Variants in DTWD2 observed in about 807,000 individuals in gnomAD.
DTWD2 encodes tRNA-uridine aminocarboxypropyltransferase 2.
DTWD2 carries 39 observed loss-of-function variants against 31.8 expected under a neutral mutation model. The observed-to-expected ratio is 1.22, with a 90% CI of 0.95 to 1.60. DTWD2 has a LOEUF of 1.60. Among genes scored for constraint, DTWD2 ranks in the 40% most tolerant of loss-of-function variants. The pLI is 0.00. For synonymous variants in DTWD2, 180 were observed against 142.8 expected (o/e 1.26, Z -1.86); for missense variants, 515 against 381.5 (o/e 1.35, Z -2.92).
At chr5:118,983,528 T>C (rs960039163) in intron 1 of DTWD2, among the ~76,000 whole-genome samples, 1 of 151,502 alleles carries the variant, frequency 6.6e-6, no homozygotes, top group African/African-American at 2.4e-5. Flanking sequence ...TCTCTCTCTC[T>C]CTTATGATGT....
At position 118,840,536 on chromosome 5, in the gene DTWD2, T is replaced by C. The variant is rs1561420513; in HGVS notation, c.*381A>G. ...AAACTGATGTAGGAATCTTATATTA[T>C]TGGTCTACACCTAATTATTTATAAA... On this transcript the variant is annotated 3_prime_UTR_variant, in exon 6 of 6. Coordinates refer to ENST00000510708, the MANE Select transcript of DTWD2 (RefSeq NM_173666.4). 2 of 152,936 alleles carry C rather than the reference T, an allele frequency of 1.3e-5. No homozygotes were observed. Among genetic ancestry groups the C allele is most frequent in the Admixed American group, 6.5e-5 (1 of 15,302 alleles). The allele number at this position is 152,936 out of a possible 1,614,324, so 9.5% of individuals were successfully genotyped here.
intron 4 of DTWD2, among the ~76,000 whole-genome samples, chr5:118,852,579 A>G (rs1752035831): frequency 6.6e-6 from 1 of 152,212 alleles, no homozygotes. Flanking sequence ...GATGCTAGGA[A>G]GAGGTTATGG....
At chr5:118,888,476 A>G (rs1752913653) in intron 4 of DTWD2, among the ~76,000 whole-genome samples, 1 of 152,198 alleles carries the variant, frequency 6.6e-6, no homozygotes, top group Non-Finnish European at 1.5e-5. Flanking sequence ...CATTACATGT[A>G]TATGCCACAC....
intron 5 of DTWD2, among the ~76,000 whole-genome samples, chr5:118,843,254 C>T (rs1751764636): frequency 6.6e-6 from 1 of 150,394 alleles, no homozygotes; most frequent in Admixed American, 6.6e-5. Context: ...CGCATCCGGC[C>T]CAGAATAGAA....
intron 1 of DTWD2, among the ~76,000 whole-genome samples, chr5:118,955,074 C>T (rs1375483684): frequency 2.0e-5 from 3 of 152,026 alleles, no homozygotes; most frequent in African/African-American, 4.8e-5. Flanking sequence ...CTGAAGAAAA[C>T]AGTTACTAAA....
At chr5:118,931,382 G>T (rs1014328118) in intron 3 of DTWD2, among the ~76,000 whole-genome samples, 3 of 127,110 alleles carry the variant, frequency 2.4e-5, no homozygotes, top group African/African-American at 9.3e-5. Flanking sequence ...TTGAGCAACA[G>T]AACGAGACCT....
chr5:118,944,164 G>T (rs186557507), intron 2 of DTWD2, among the ~76,000 whole-genome samples: 3 of 152,068 alleles, frequency 2.0e-5, no homozygotes, highest in Non-Finnish European at 4.4e-5. Context: ...CATTCACTTT[G>T]TAAGAGTAAA....
chr5:118,910,860 T>G (rs1272248511), intron 4 of DTWD2, among the ~76,000 whole-genome samples: 1 of 152,176 alleles, frequency 6.6e-6, no homozygotes, highest in East Asian at 1.9e-4. Flanking sequence ...TTCTCAGAAA[T>G]GGCACCTTCT....
chr5:118,863,688 T>C (rs965123110), intron 4 of DTWD2, among the ~76,000 whole-genome samples: 1 of 152,178 alleles, frequency 6.6e-6, no homozygotes, highest in Non-Finnish European at 1.5e-5. Context: ...CAGCTTGAGA[T>C]GAAAAGGTAA....
intron 4 of DTWD2, among the ~76,000 whole-genome samples, chr5:118,855,332 G>A (rs1401539273): frequency 2.7e-5 from 4 of 150,250 alleles, no homozygotes; most frequent in East Asian, 2.0e-4. Flanking sequence ...GTCTTGCAGA[G>A]GCAGTGTCTT....
rs146695903 is a variant in DTWD2, at chr5:118,976,187, C to T, written c.218+12107G>A. Among the ~76,000 whole-genome samples the T allele has an allele frequency of 1.9e-3, 283 of 152,250 alleles. No homozygotes were observed. The Middle Eastern group carries it at 0.02, about 11-fold the overall frequency. On this transcript the variant is annotated intron_variant, in intron 1 of 5. Coordinates refer to ENST00000510708, the MANE Select transcript of DTWD2 (RefSeq NM_173666.4). Reference sequence around the variant, plus strand: ...ACCAGTATATCTGGGACACAGCTAACGCAGCGTTTAGAGGGAAATTTATAG... The same window carrying T: ...ACCAGTATATCTGGGACACAGCTAATGCAGCGTTTAGAGGGAAATTTATAG...
At chr5:118,896,932 C>T (rs1234732483) in intron 4 of DTWD2, among the ~76,000 whole-genome samples, 1 of 152,158 alleles carries the variant, frequency 6.6e-6, no homozygotes, top group African/African-American at 2.4e-5. Context: ...AACCATTAGA[C>T]GAAAACCACC....
At chr5:118,869,182 A>C (rs1752447175) in intron 4 of DTWD2, among the ~76,000 whole-genome samples, 7 of 152,188 alleles carry the variant, frequency 4.6e-5, no homozygotes, top group Admixed American at 4.6e-4. Context: ...CGAACTATAT[A>C]TTTAAAAATG....
chr5:118,870,820 T>A (rs1374607448), intron 4 of DTWD2, among the ~76,000 whole-genome samples: 1 of 152,130 alleles, frequency 6.6e-6, no homozygotes, highest in Non-Finnish European at 1.5e-5. Flanking sequence ...TTTGACAGCA[T>A]TTTACACACA....
intron 1 of DTWD2, among the ~76,000 whole-genome samples, chr5:118,958,195 C>T (rs1754629911): frequency 6.6e-6 from 1 of 151,992 alleles, no homozygotes; most frequent in African/African-American, 2.4e-5. Context: ...TGGCTCACAC[C>T]TGTAGTCCCA....
At chr5:118,988,098 A>G (rs931629279) in intron 1 of DTWD2, 196 bp downstream of exon 1, 3 of 733,502 alleles carry the variant, frequency 4.1e-6, no homozygotes, top group Non-Finnish European at 4.8e-6. Context: ...GTAAGGTTAG[A>G]TAATCATGAA....
intron 1 of DTWD2, among the ~76,000 whole-genome samples, chr5:118,964,962 T>C (rs1216759125): frequency 6.0e-5 from 9 of 148,874 alleles, no homozygotes; most frequent in South Asian, 2.1e-4. Context: ...GAGGAGCGCC[T>C]CTTCCCGGCC....
At chr5:118,936,010 A>G (rs1249520629) in intron 3 of DTWD2, among the ~76,000 whole-genome samples, 3 of 152,238 alleles carry the variant, frequency 2.0e-5, no homozygotes, top group Non-Finnish European at 2.9e-5. Context: ...ACAAGTATCA[A>G]TAAAATTTTT....
chr5:118,888,853 A>T (rs543341067), intron 4 of DTWD2, among the ~76,000 whole-genome samples: 61 of 152,288 alleles, frequency 4.0e-4, no homozygotes, highest in African/African-American at 1.4e-3. Flanking sequence ...CTAATGACTA[A>T]TGTTACTAAT....
Sources: gnomAD v4.1 joint callset for allele counts (sites outside exome capture counted in the v4.1 genomes callset) on GRCh38, gnomAD v4.1.1 for gene constraint, MANE v1.5 for transcripts, NCBI Gene and HGNC (gene_info 2026-07-23, HGNC 2026-07-21) for gene names.